Variants in GREM2 observed in about 807,000 individuals in gnomAD.
GREM2 encodes gremlin-2.
In GREM2, 11 loss-of-function variants were observed where a neutral mutation model predicts 14.2. That is an observed-to-expected ratio of 0.78 (90% CI 0.49 to 1.28). The LOEUF is 1.28. Ranked by LOEUF, GREM2 falls within the 50% of genes most tolerant of loss-of-function variation. The pLI is 0.00. For missense variants in GREM2, 210 were observed against 218.5 expected, an observed-to-expected ratio of 0.96 and a Z score of 0.24; for synonymous variants, 98 against 97.6, an observed-to-expected ratio of 1.00 and a Z score of -0.02.
At chr1:240,514,581 T>C (rs1677910221) in intron 1 of GREM2, among the ~76,000 whole-genome samples, 2 of 152,140 alleles carry the variant, frequency 1.3e-5, no homozygotes, top group African/African-American at 4.8e-5. Flanking sequence ...TCTGTGGTCC[T>C]CCAGCCTTAA....
Position 240,492,885 on chromosome 1 carries a change from G to A in GREM2, c.*84C>T. 1 of 1,266,918 alleles carries A rather than the reference G, an allele frequency of 7.9e-7. No homozygotes were observed. Among genetic ancestry groups the A allele is most frequent in the Non-Finnish European group, 1.0e-6 (1 of 993,100 alleles). 78.5% of individuals were successfully genotyped at this position (1,266,918 alleles called of 1,614,324 possible). A position where few individuals can be genotyped will look rare whatever the true frequency, so the allele number is the denominator to read the frequency against. Reference sequence around the variant, plus strand: ...GGGAACACCAGGCAGCGTGACAGTGGGCTCGGAGGGCAGGGACAGAGGCGG... The same window carrying A: ...GGGAACACCAGGCAGCGTGACAGTGAGCTCGGAGGGCAGGGACAGAGGCGG... On this transcript the variant is annotated 3_prime_UTR_variant, in exon 2 of 2. Transcript: ENST00000318160.
intron 1 of GREM2, 98 bp from the exon 2 acceptor site, chr1:240,493,574 T>C (rs1447731024): frequency 1.4e-6 from 2 of 1,389,364 alleles, no homozygotes; most frequent in Non-Finnish European, 9.5e-7. Flanking sequence ...GGTCTGGCTC[T>C]GTTGCCCAGG....
chr1:240,575,710 G>A (rs574637989), intron 1 of GREM2, among the ~76,000 whole-genome samples: 2 of 151,780 alleles, frequency 1.3e-5, no homozygotes, highest in African/African-American at 2.4e-5. Flanking sequence ...TAGTAGAGAC[G>A]GGGTTTCACC....
intron 1 of GREM2, among the ~76,000 whole-genome samples, chr1:240,550,670 G>T (rs1307620894): frequency 1.3e-5 from 2 of 152,152 alleles, no homozygotes; most frequent in African/African-American, 4.8e-5. Context: ...TTTAGACTCT[G>T]ATTTTTTGCT....
chr1:240,611,074 T>TAAA (rs11418917), intron 1 of GREM2, among the ~76,000 whole-genome samples: 2 of 144,364 alleles, frequency 1.4e-5, no homozygotes, highest in African/African-American at 2.6e-5. Context: ...CACCTCAAAA[T>TAAA]AAAAAAAAAA....
chr1:240,532,523 A>T (rs1678383695), intron 1 of GREM2, among the ~76,000 whole-genome samples: 1 of 152,224 alleles, frequency 6.6e-6, no homozygotes, highest in African/African-American at 2.4e-5. Context: ...AGACTAATCA[A>T]TATAAAAAGT....
At chr1:240,572,423 C>A (rs1679278011) in intron 1 of GREM2, among the ~76,000 whole-genome samples, 1 of 152,144 alleles carries the variant, frequency 6.6e-6, no homozygotes, top group Non-Finnish European at 1.5e-5. Context: ...CTTTTCTAAG[C>A]CTTACTTGTT....
chr1:240,493,922 T>C (rs1175686223), intron 1 of GREM2, among the ~76,000 whole-genome samples: 2 of 152,216 alleles, frequency 1.3e-5, no homozygotes, highest in Admixed American at 6.5e-5. Flanking sequence ...AGGGATTAAA[T>C]GGTACAAGTG....
intron 1 of GREM2, among the ~76,000 whole-genome samples, chr1:240,599,828 A>T (rs1267836250): frequency 6.6e-6 from 1 of 152,214 alleles, no homozygotes; most frequent in Non-Finnish European, 1.5e-5. Context: ...GGACTGTTTC[A>T]GTGGACCTCG....
intron 1 of GREM2, among the ~76,000 whole-genome samples, chr1:240,511,668 G>A (rs1017361358): frequency 6.6e-6 from 1 of 152,160 alleles, no homozygotes; most frequent in African/African-American, 2.4e-5. Flanking sequence ...CAGGAGAATT[G>A]CTTGAACCTG....
intron 1 of GREM2, among the ~76,000 whole-genome samples, chr1:240,553,129 G>A (rs1388788024): frequency 2.0e-5 from 3 of 152,168 alleles, no homozygotes; most frequent in South Asian, 4.1e-4. Flanking sequence ...GACTTTGAAA[G>A]AAAACCCAGA....
chr1:240,499,806 C>T (rs1677524903), intron 1 of GREM2, among the ~76,000 whole-genome samples: 1 of 149,808 alleles, frequency 6.7e-6, no homozygotes, highest in Non-Finnish European at 1.5e-5. Flanking sequence ...TGGAACACAG[C>T]CACAGCCACT....
intron 1 of GREM2, among the ~76,000 whole-genome samples, chr1:240,494,589 G>C (rs574840815): frequency 1.3e-5 from 2 of 152,174 alleles, no homozygotes; most frequent in Admixed American, 6.5e-5. Flanking sequence ...ATTCAAATGA[G>C]TCATAAATTA....
chr1:240,603,054 C>T (rs1036567266), intron 1 of GREM2, among the ~76,000 whole-genome samples: 2 of 151,980 alleles, frequency 1.3e-5, no homozygotes, highest in African/African-American at 4.8e-5. Flanking sequence ...GCCTGGGTGA[C>T]AGAGCTGCGA....
chr1:240,497,612 TAA>T (rs34367111), intron 1 of GREM2, among the ~76,000 whole-genome samples: 10 of 140,334 alleles, frequency 7.1e-5, no homozygotes, highest in African/African-American at 1.3e-4. Context: ...GCAAAGGGAG[TAA>T]AAAAAAAAAA....
At chr1:240,524,769 T>G (rs1678184811) in intron 1 of GREM2, among the ~76,000 whole-genome samples, 1 of 152,196 alleles carries the variant, frequency 6.6e-6, no homozygotes, top group Non-Finnish European at 1.5e-5. Flanking sequence ...TTTTGCACAC[T>G]TTTTTCCTAC....
chr1:240,530,339 G>T (rs1017012779), intron 1 of GREM2: 1 of 152,064 alleles, frequency 6.6e-6, no homozygotes, highest in African/African-American at 2.4e-5. Context: ...TACAAGCAAG[G>T]GACATATTTT....
intron 1 of GREM2, among the ~76,000 whole-genome samples, chr1:240,508,477 C>G (rs975494618): frequency 6.6e-6 from 1 of 152,126 alleles, no homozygotes; most frequent in Non-Finnish European, 1.5e-5. Flanking sequence ...TCCATTCTGC[C>G]TTTTATAACT....
intron 1 of GREM2, among the ~76,000 whole-genome samples, chr1:240,601,128 T>C (rs1264987608): frequency 1.3e-5 from 2 of 152,184 alleles, no homozygotes; most frequent in Admixed American, 6.5e-5. Flanking sequence ...CCCAATTCAC[T>C]AATATCAAAA....
Sources: gnomAD v4.1 joint callset for allele counts (sites outside exome capture counted in the v4.1 genomes callset) on GRCh38, gnomAD v4.1.1 for gene constraint, MANE v1.5 for transcripts, NCBI Gene and HGNC (gene_info 2026-07-23, HGNC 2026-07-21) for gene names.